RARG: variants seen among roughly 807,000 people sequenced by gnomAD.
The protein encoded by RARG is RAR-gamma.
Under a neutral mutation model 43.7 loss-of-function variants are expected in RARG, and 17 were observed. That is an observed-to-expected ratio of 0.39 (90% CI 0.27 to 0.58). RARG has a LOEUF of 0.58. Ranked by LOEUF, RARG falls within the 20% of genes least tolerant of loss-of-function variation. The pLI is 0.57. For missense variants in RARG, 346 were observed against 598.7 expected, an observed-to-expected ratio of 0.58 and a Z score of 4.40; for synonymous variants, 238 against 236.4, an observed-to-expected ratio of 1.01 and a Z score of -0.06.
chr12:53,214,811 C>T, intron 5 of RARG: 1 of 556,010 alleles, frequency 1.8e-6, no homozygotes, highest in Non-Finnish European at 3.1e-6. Flanking sequence ...CCTGCAGCCC[C>T]TGCTCCTTCC....
Position 53,222,294 on chromosome 12 carries a change from AG to A in RARG, c.184+5067del, listed in dbSNP as rs1223275667. 9.4e-5 allele frequency among the ~76,000 whole-genome samples: 13 copies of A among 138,704 alleles called. No homozygotes were observed. In the Middle Eastern group the frequency reaches 0.014, roughly 150 times the overall value. 91.0% of individuals were successfully genotyped at this position (138,704 alleles called of 152,430 possible). On this transcript the variant is annotated intron_variant, in intron 3 of 9. Transcript: ENST00000425354. Reference sequence around the variant, plus strand: ...AAGGAAGAAAGAGAAAGGAGGAGAAAGAAAGAGAGAGAGAGAGAGAGAAAGA... The same window carrying A: ...AAGGAAGAAAGAGAAAGGAGGAGAAAAAAGAGAGAGAGAGAGAGAGAAAGA...
At chr12:53,230,042 G>A (rs1293285197) in intron 2 of RARG, 4 of 907,420 alleles carry the variant, frequency 4.4e-6, no homozygotes, top group Non-Finnish European at 5.3e-6. Flanking sequence ...CTGAGCCTTG[G>A]TTCTGTCGTG....
intron 3 of RARG, chr12:53,220,422 A>C: frequency 1.8e-6 from 1 of 547,818 alleles, no homozygotes; most frequent in Non-Finnish European, 2.6e-6. Flanking sequence ...TGGAGAGCGA[A>C]GGGGGCCGGG....
At chr12:53,212,737 T>TATACACACACACAC (rs1272930364) in intron 9 of RARG, among the ~76,000 whole-genome samples, 1 of 133,702 alleles carries the variant, frequency 7.5e-6, no homozygotes, top group Non-Finnish European at 1.6e-5. Flanking sequence ...AATATATATA[T>TATACACACACACAC]ACACACACAC....
intron 3 of RARG, among the ~76,000 whole-genome samples, chr12:53,223,261 A>G (rs1943021677): frequency 6.6e-6 from 1 of 152,174 alleles, no homozygotes; most frequent in Non-Finnish European, 1.5e-5. Context: ...GAAAAGCTGA[A>G]AAGGGGGCAT....
intron 1 of RARG, 85 bp downstream of exon 1, chr12:53,231,889 A>C (rs969343339): frequency 5.1e-6 from 2 of 393,074 alleles, no homozygotes; most frequent in Non-Finnish European, 9.0e-6. Context: ...TCGCCCGTGC[A>C]GCTCCTCCGC....
chr12:53,217,581 A>AC (rs1942813184), intron 3 of RARG, among the ~76,000 whole-genome samples: 1 of 151,932 alleles, frequency 6.6e-6, no homozygotes, highest in Non-Finnish European at 1.5e-5. Context: ...TCACATCCCC[A>AC]CCCCCTGAAC....
intron 3 of RARG, chr12:53,220,110 G>A: frequency 6.5e-7 from 1 of 1,550,232 alleles, no homozygotes; most frequent in Non-Finnish European, 8.7e-7. Flanking sequence ...TCGCGACCCG[G>A]CTTGAAGGGA....
At position 53,227,721 on chromosome 12, in the gene RARG, G is replaced by A; in HGVS notation, c.-142-34C>T. On this transcript the variant is annotated intron_variant, in intron 2 of 9. Coordinates refer to ENST00000425354, the MANE Select transcript of RARG (RefSeq NM_000966.6). The surrounding 1 kb of genome is among the most constrained non-coding windows in gnomAD (Gnocchi z 4.3). ...AAAGAGAGAGAAAGGAGAGATGAGAGAATGACCACTCTGAGGTTCCAAGCC... is the reference window on the plus strand; with the variant it reads ...AAAGAGAGAGAAAGGAGAGATGAGAAAATGACCACTCTGAGGTTCCAAGCC... 8.2e-7 allele frequency: 1 copy of A among 1,226,130 alleles called. No individual in the cohort carries two copies. The highest frequency in any genetic ancestry group is 1.0e-6 in the Non-Finnish European group (1 of 954,580). The allele number at this position is 1,226,130 out of a possible 1,614,324, so 76.0% of individuals were successfully genotyped here.
chr12:53,230,069 G>A (rs1188682590), intron 2 of RARG: 1 of 817,636 alleles, frequency 1.2e-6, no homozygotes, highest in African/African-American at 1.9e-5. Flanking sequence ...AAGAGAAGGG[G>A]AGGGTCTTAA....
chr12:53,224,589 A>G (rs1313507264), intron 3 of RARG, among the ~76,000 whole-genome samples: 3 of 151,566 alleles, frequency 2.0e-5, no homozygotes, highest in Admixed American at 6.6e-5. Flanking sequence ...CTACTCTCCC[A>G]CTCTGGAAGG....
rs186993172 is a variant in RARG at position 53,230,797 on chromosome 12, G to A, written c.-143+372C>T. ...TGGGGGTGTGCCGGGGTGTGGGGGGGCGTGCCCCATGCTGCCTACTAGGCT... is the reference window on the plus strand; with the variant it reads ...TGGGGGTGTGCCGGGGTGTGGGGGGACGTGCCCCATGCTGCCTACTAGGCT... On this transcript the variant is annotated intron_variant, in intron 2 of 9. Coordinates refer to ENST00000425354, the MANE Select transcript of RARG (RefSeq NM_000966.6). Among the ~76,000 whole-genome samples the A allele has an allele frequency of 6.3e-3, 961 of 151,878 alleles. 17 individuals are homozygous for A. Among genetic ancestry groups the A allele is most frequent in the African/African-American group, 0.022 (894 of 41,250 alleles).
In RARG at chr12:53,212,737, TACACACACACAC is replaced by T. The variant is rs1160084920; in HGVS notation, c.1177+336_1177+347del. ...AAGACTTTGTCTCTAAATATATATA[TACACACACACAC>T]ACACACACACACACACACACACACA... On this transcript the variant is annotated intron_variant, in intron 9 of 9. Coordinates refer to ENST00000425354, the MANE Select transcript of RARG (RefSeq NM_000966.6). 1.6e-4 allele frequency among the ~76,000 whole-genome samples: 22 copies of T among 133,766 alleles called. No individual in the cohort carries two copies. The Middle Eastern group carries it at 0.012, about 72-fold the overall frequency. The allele number at this position is 133,766 out of a possible 152,430, so 87.8% of individuals were successfully genotyped here. A position where few individuals can be genotyped will look rare whatever the true frequency, so the allele number is the denominator to read the frequency against.
chr12:53,222,574 G>A lies in RARG; in HGVS notation c.184+4788C>T, dbSNP rs576480027. 1.3e-3 allele frequency among the ~76,000 whole-genome samples: 194 copies of A among 152,256 alleles called. 2 individuals are homozygous for A. Among genetic ancestry groups the A allele is most frequent in the Admixed American group, 4.4e-3 (68 of 15,300 alleles). ...GGAGGGCACAGGAGGAGTTGGGGGA[G>A]GGCTCCAGGAAGCCATGAGTCCTCA... On this transcript the variant is annotated intron_variant, in intron 3 of 9. Coordinates refer to ENST00000425354, the MANE Select transcript of RARG (RefSeq NM_000966.6).
At chr12:53,216,995 AC>A (rs1336597656) in intron 3 of RARG, among the ~76,000 whole-genome samples, 1 of 151,988 alleles carries the variant, frequency 6.6e-6, no homozygotes, top group African/African-American at 2.4e-5. Flanking sequence ...CCACGCACCC[AC>A]CTCATGAACA....
Position 53,213,825 on chromosome 12 carries a change from G to T in RARG, c.814-125C>A. The stretch of plus-strand genomic sequence containing the variant: ...ACCTGAAGCAGGCATGGAGAAGGCA[G>T]AGGTGGAGGATCTGAGGCTTGGCAG... On this transcript the variant is annotated intron_variant, in intron 7 of 9. Transcript: ENST00000425354. This position sits in a 1 kb window ranked among gnomAD's most constrained non-coding sequence, Gnocchi z 4.7. 8.6e-7 allele frequency: 1 copy of T among 1,169,516 alleles called. No individual in the cohort carries two copies. The highest frequency in any genetic ancestry group is 1.2e-6 in the Non-Finnish European group (1 of 815,712). 72.4% of individuals were successfully genotyped at this position (1,169,516 alleles called of 1,614,324 possible). A position where few individuals can be genotyped will look rare whatever the true frequency, so the allele number is the denominator to read the frequency against.
Position 53,227,626 on chromosome 12 carries a change from G to A in RARG, c.-81C>T. ...GCCACAGCCCCTGCCCATGCCCACT[G>A]CCCCAGCCTGGGAGGCTCCGTACCC... is the stretch of plus-strand genomic sequence containing the variant. On this transcript the variant is annotated 5_prime_UTR_variant, in exon 3 of 10. Coordinates refer to ENST00000425354, the MANE Select transcript of RARG (RefSeq NM_000966.6). The surrounding 1 kb of genome is among the most constrained non-coding windows in gnomAD (Gnocchi z 4.3). 1 of 1,374,658 alleles carries A rather than the reference G, an allele frequency of 7.3e-7. No individual in the cohort carries two copies. The allele number at this position is 1,374,658 out of a possible 1,614,324, so 85.2% of individuals were successfully genotyped here.
At chr12:53,217,977 A>G (rs79906317) in intron 3 of RARG, among the ~76,000 whole-genome samples, 2,145 of 152,258 alleles carry the variant, frequency 0.014, 44 homozygotes, top group African/African-American at 0.049. Flanking sequence ...CAAAGCAGGC[A>G]TATTACAATG....
intron 2 of RARG, among the ~76,000 whole-genome samples, chr12:53,228,398 C>T (rs1943157580): frequency 6.6e-6 from 1 of 152,204 alleles, no homozygotes. Context: ...AAGTGTCTGG[C>T]ATAATGTAGG....
Sources: allele counts gnomAD v4.1 joint callset (sites outside exome capture counted in the v4.1 genomes callset), GRCh38; gene constraint gnomAD v4.1.1; non-coding constraint Gnocchi (gnomAD v3.1); transcripts MANE v1.5; gene names NCBI Gene and HGNC (gene_info 2026-07-23, HGNC 2026-07-21).